Variants in AKAP17A observed in about 807,000 individuals in gnomAD.
The protein encoded by AKAP17A is A-kinase anchoring protein 17A.
A neutral mutation model predicts 52.2 loss-of-function variants in AKAP17A; 15 were observed. The ratio of observed to expected loss-of-function variants is 0.29; its 90% CI spans 0.19 to 0.44. AKAP17A has a LOEUF of 0.44. AKAP17A is among the 20% of genes least tolerant of loss of function. The pLI is 1.00. For synonymous variants in AKAP17A, 514 were observed against 424.7 expected, an observed-to-expected ratio of 1.21 and a Z score of -2.58; for missense variants, 1,060 against 1,007.0, an observed-to-expected ratio of 1.05 and a Z score of -0.71.
Position 1,599,378 on chromosome X carries a change from C to G in AKAP17A, c.1098C>G (p.Ala366=), listed in dbSNP as rs764287507. 2.5e-5 allele frequency: 40 copies of G among 1,582,622 alleles called. No individual in the cohort carries two copies. The highest frequency in any genetic ancestry group is 3.3e-5 in the Non-Finnish European group (39 of 1,165,688). The change falls in exon 4 of 5, where the codon GCC becomes GCG. Residue 366 remains alanine (A), a synonymous_variant. Transcript: ENST00000313871. ...IKLEERKLLL[A]QRNLQSIRLI... ...TGGAGGAGCGCAAGCTGCTGCTGGC[C>G]CAGAGGAACCTGCAGTCCATCCGGC...
intron 3 of AKAP17A, among the ~76,000 whole-genome samples, chrX:1,597,069 C>G (rs1466627915): frequency 5.9e-5 from 9 of 152,224 alleles, no homozygotes; most frequent in Non-Finnish European, 8.8e-5. Flanking sequence ...TGGACAGCCT[C>G]TGGTGGGACC....
Position 1,601,757 on chromosome X carries a change from T to G in AKAP17A, c.*163T>G. ...CCGGCAGGAAGGAAGACACCATGCT[T>G]TAGAGATCCATCTTTCTCCACTCAC... On this transcript the variant is annotated 3_prime_UTR_variant, in exon 5 of 5. Coordinates refer to ENST00000313871, the MANE Select transcript of AKAP17A (RefSeq NM_005088.3). 4 of 571,854 alleles carry G rather than the reference T, an allele frequency of 7.0e-6. No homozygotes were observed. The highest frequency in any genetic ancestry group is 8.2e-6 in the Non-Finnish European group (3 of 365,614). The allele number at this position is 571,854 out of a possible 1,614,324, so 35.4% of individuals were successfully genotyped here. A position where few individuals can be genotyped will look rare whatever the true frequency, so the allele number is the denominator to read the frequency against.
Position 1,601,836 on chromosome X carries a change from C to T in AKAP17A, c.*242C>T, listed in dbSNP as rs1251565378. The T allele has an allele frequency of 1.5e-5, 6 of 408,160 alleles. No individual in the cohort carries two copies. The highest frequency in any genetic ancestry group is 3.6e-5 in the East Asian group (1 of 27,962). 25.3% of individuals were successfully genotyped at this position (408,160 alleles called of 1,614,324 possible). On this transcript the variant is annotated 3_prime_UTR_variant, in exon 5 of 5. Coordinates refer to ENST00000313871, the MANE Select transcript of AKAP17A (RefSeq NM_005088.3). ...ACACGTAGTCCTTTAAAACTTGATC[C>T]GATAGCTTTAATGCGGCCGGTCCTC...
At position 1,595,609 on chromosome X, in the gene AKAP17A, T is replaced by C. The variant is rs772217964; in HGVS notation, c.911+77T>C. 26 of 1,594,392 alleles carry C rather than the reference T, an allele frequency of 1.6e-5. No individual in the cohort carries two copies. The South Asian group carries it at 2.8e-4, about 17-fold the overall frequency. On this transcript the variant is annotated intron_variant, in intron 3 of 4. Transcript: ENST00000313871. ...GTGCGCAGACCCGTGTGCGTGTGTC[T>C]GCATGTATTCCTGTGCGTGTGTGTG...
chrX:1,600,417 A>C, intron 4 of AKAP17A: 4 of 623,590 alleles, frequency 6.4e-6, no homozygotes, highest in Admixed American at 3.0e-5. Flanking sequence ...CCGCTTTGCC[A>C]AGGGGTTTCC....
At chrX:1,595,278 C>T in intron 2 of AKAP17A, 106 bp from the exon 3 acceptor site, 10 of 1,504,738 alleles carry the variant, frequency 6.6e-6, no homozygotes. Context: ...TGAGCGGGCG[C>T]TCAGGCTCTG....
chrX:1,593,430 G>A lies in AKAP17A; in HGVS notation c.-19-14G>A, dbSNP rs142619971. 1,022 of 1,593,968 alleles carry A rather than the reference G, an allele frequency of 6.4e-4. 6 individuals carry two copies. The African/African-American group carries it at 0.012, about 18-fold the overall frequency. Reference sequence around the variant, plus strand: ...GGGGGTGCTGGTGCTGACTGTCTGCGTCTTATGTTTCAGGCCCAAGGTCCC... The same window carrying A: ...GGGGGTGCTGGTGCTGACTGTCTGCATCTTATGTTTCAGGCCCAAGGTCCC... On this transcript the variant is annotated splice_polypyrimidine_tract_variant and intron_variant, in intron 1 of 4. Transcript: ENST00000313871.
chrX:1,599,170 A>AC (rs1284898246), intron 3 of AKAP17A, 22 bp from the exon 4 acceptor site: 1 of 1,604,834 alleles, frequency 6.2e-7, no homozygotes. Flanking sequence ...CTCTGTGACC[A>AC]CCCCCGGTGT....
In AKAP17A at chrX:1,601,556, C is replaced by T. The variant is rs201277044; in HGVS notation, c.2050C>T (p.Arg684Trp). The T allele has an allele frequency of 2.0e-4, 294 of 1,463,502 alleles. 2 individuals carry two copies. The East Asian group carries it at 2.2e-3, about 11-fold the overall frequency. 90.7% of individuals were successfully genotyped at this position (1,463,502 alleles called of 1,614,324 possible). A position where few individuals can be genotyped will look rare whatever the true frequency, so the allele number is the denominator to read the frequency against. Residue 684 changes from arginine (R) to tryptophan (W), a missense_variant, in exon 5 of 5, where the codon CGG (arginine) becomes TGG (tryptophan). Arg to Trp is a moderately radical substitution (Grantham distance 101, BLOSUM62 -3). Around this residue, in one of 2 missense-constraint regions of AKAP17A, gnomAD observed 793 missense variants for 629.9 expected, o/e 1.26. Transcript: ENST00000313871. ...CCGCCGAAGCGAGCGGTCGCGCTCC[C>T]GGTCCCCGAGCAGGCACCGCAGTAC... ...HRRRSERSRS[R>W]SPSRHRSTWN...
intron 3 of AKAP17A, among the ~76,000 whole-genome samples, chrX:1,598,106 C>G (rs1366286714): frequency 1.3e-5 from 2 of 152,194 alleles, no homozygotes; most frequent in African/African-American, 2.4e-5. Flanking sequence ...TGAAAGCTGC[C>G]CAGCCTCGAG....
rs1451789957 is a variant in AKAP17A at position 1,600,421 on chromosome X, G to T, written c.1153-238G>T. 4.7e-6 allele frequency: 3 copies of T among 632,092 alleles called. No homozygotes were observed. In the Admixed American group the frequency reaches 8.9e-5, roughly 19 times the overall value. The allele number at this position is 632,092 out of a possible 1,614,324, so 39.2% of individuals were successfully genotyped here. On this transcript the variant is annotated intron_variant, in intron 4 of 4. Transcript: ENST00000313871. Reference sequence around the variant, plus strand: ...GCTGCGCCGAGCCGCTTTGCCAAGGGGTTTCCTTCTCACTCAGACGCATGA... The same window carrying T: ...GCTGCGCCGAGCCGCTTTGCCAAGGTGTTTCCTTCTCACTCAGACGCATGA...
At chrX:1,592,974 C>T (rs1932864984) in intron 1 of AKAP17A, among the ~76,000 whole-genome samples, 1 of 152,162 alleles carries the variant, frequency 6.6e-6, no homozygotes, top group Non-Finnish European at 1.5e-5. Context: ...AGTACAGGGC[C>T]GCCGCCCCCT....
In AKAP17A at chrX:1,600,765, A is replaced by G; in HGVS notation, c.1259A>G (p.Glu420Gly). ...GCCGAGCTGCGGCGCGTGGAGGAGG[A>G]GAAGGAGCGCGCGCTGGGCCTGCAG... ...QEAELRRVEEEKERALGLQRK... is the reference protein window; with the variant it reads ...QEAELRRVEEGKERALGLQRK... The change falls in exon 5 of 5, where the codon GAG becomes GGG. Residue 420 changes from glutamate to glycine, a missense_variant. Physicochemically the swap from Glu to Gly is moderately conservative, Grantham distance 98. Around this residue, in one of 2 missense-constraint regions of AKAP17A, gnomAD observed 793 missense variants for 629.9 expected, o/e 1.26. Coordinates refer to ENST00000313871, the MANE Select transcript of AKAP17A (RefSeq NM_005088.3). 6.4e-7 allele frequency: 1 copy of G among 1,566,854 alleles called. No homozygotes were observed. The highest frequency in any genetic ancestry group is 1.9e-5 in the Admixed American group (1 of 52,990).
chrX:1,595,141 C>T (rs1418479797), intron 2 of AKAP17A, among the ~76,000 whole-genome samples: 1 of 151,846 alleles, frequency 6.6e-6, no homozygotes, highest in Non-Finnish European at 1.5e-5. Flanking sequence ...TGGTGTTCCT[C>T]GCTGAGTCGT....
At chrX:1,594,978 GT>G (rs1177172627) in intron 2 of AKAP17A, among the ~76,000 whole-genome samples, 1 of 152,190 alleles carries the variant, frequency 6.6e-6, no homozygotes, top group African/African-American at 2.4e-5. Flanking sequence ...CCTGGAGGGG[GT>G]TTTGTGGCCT....
At chrX:1,600,348 G>C in intron 4 of AKAP17A, 1 of 666,462 alleles carries the variant, frequency 1.5e-6, no homozygotes, top group Admixed American at 2.7e-5. Context: ...GTGCAACGTG[G>C]TGGGGCTCCC....
rs1462184674 is a variant in AKAP17A, at chrX:1,591,649, C to T, written c.-140C>T. The T allele has an allele frequency of 6.6e-6, 1 of 151,924 alleles. No individual in the cohort carries two copies. Among genetic ancestry groups the T allele is most frequent in the Non-Finnish European group, 1.5e-5 (1 of 67,928 alleles). The allele number at this position is 151,924 out of a possible 1,614,324, so 9.4% of individuals were successfully genotyped here. A position where few individuals can be genotyped will look rare whatever the true frequency, so the allele number is the denominator to read the frequency against. The stretch of plus-strand genomic sequence containing the variant: ...ACGGCGGTGGCGGCGTCGGAGGCGC[C>T]TCCGGGGGACGGTGGCGGCTCCCGG... On this transcript the variant is annotated 5_prime_UTR_variant, in exon 1 of 5. Transcript: ENST00000313871.
rs1292936755 is a variant in AKAP17A, at chrX:1,601,171, A to T, written c.1665A>T (p.Gln555His). ...TCTCCTGCATTCCTGACAACAACCA[A>T]CAGCCCAAGGGCATCCCTGCCTGCG... ...GVLSCIPDNN[Q>H]QPKGIPACEQ... The change falls in exon 5 of 5, where the codon CAA becomes CAT. Residue 555 changes from glutamine to histidine, a missense_variant. Transcript: ENST00000313871. The T allele has an allele frequency of 6.2e-7, 1 of 1,613,816 alleles. No individual in the cohort carries two copies. Among genetic ancestry groups the T allele is most frequent in the East Asian group, 2.2e-5 (1 of 44,874 alleles).
Position 1,601,666 on chromosome X carries a change from G to A in AKAP17A, c.*72G>A. The A allele has an allele frequency of 8.3e-6, 11 of 1,330,598 alleles. No individual in the cohort carries two copies. The highest frequency in any genetic ancestry group is 1.1e-5 in the Non-Finnish European group (11 of 1,035,814). The allele number at this position is 1,330,598 out of a possible 1,614,324, so 82.4% of individuals were successfully genotyped here. A position where few individuals can be genotyped will look rare whatever the true frequency, so the allele number is the denominator to read the frequency against. Reference sequence around the variant, plus strand: ...TGCTCGAGCCTCCTGGCCGCTCCTTGGCCGCTCTCCGTCCACCCCTGCAAA... The same window carrying A: ...TGCTCGAGCCTCCTGGCCGCTCCTTAGCCGCTCTCCGTCCACCCCTGCAAA... On this transcript the variant is annotated 3_prime_UTR_variant, in exon 5 of 5. Coordinates refer to ENST00000313871, the MANE Select transcript of AKAP17A (RefSeq NM_005088.3).
Sources: allele counts gnomAD v4.1 joint callset (sites outside exome capture counted in the v4.1 genomes callset), GRCh38; gene constraint gnomAD v4.1.1; regional missense constraint gnomAD v4.1.1; transcripts MANE v1.5; gene names NCBI Gene and HGNC (gene_info 2026-07-23, HGNC 2026-07-21).